Variants in ATAD1 observed in about 807,000 individuals in gnomAD.
ATAD1 encodes outer mitochondrial transmembrane helix translocase.
In ATAD1, 18 loss-of-function variants were observed where a neutral mutation model predicts 42.7. The ratio of observed to expected loss-of-function variants is 0.42; its 90% CI spans 0.29 to 0.63. ATAD1 has a LOEUF of 0.63. Ranked by LOEUF, ATAD1 falls within the 20% of genes least tolerant of loss-of-function variation. The pLI is 0.19. For missense variants in ATAD1, 294 were observed against 440.4 expected (o/e 0.67, Z 2.98); for synonymous variants, 132 against 143.1 (o/e 0.92, Z 0.55).
chr10:87,816,611 A>T (rs1795660330), intron 1 of ATAD1, among the ~76,000 whole-genome samples: 1 of 152,040 alleles, frequency 6.6e-6, no homozygotes, highest in Non-Finnish European at 1.5e-5. Context: ...AAGGCACCTA[A>T]CTGAAATCTC....
chr10:87,774,487 G>C (rs2038554), intron 6 of ATAD1, among the ~76,000 whole-genome samples: 2 of 151,956 alleles, frequency 1.3e-5, no homozygotes, highest in African/African-American at 2.4e-5. Flanking sequence ...CCTGGTAGAT[G>C]TGAAAAACAA....
intron 6 of ATAD1, among the ~76,000 whole-genome samples, chr10:87,772,140 T>C (rs1451226337): frequency 2.0e-5 from 3 of 152,172 alleles, no homozygotes; most frequent in Non-Finnish European, 4.4e-5. Flanking sequence ...TAATGCAAGT[T>C]TGTATTTGTG....
chr10:87,837,399 A>C (rs1444274582), intron 1 of ATAD1, among the ~76,000 whole-genome samples: 1 of 152,136 alleles, frequency 6.6e-6, no homozygotes, highest in Non-Finnish European at 1.5e-5. Context: ...TTTGCTTTCC[A>C]TGCTATTTGG....
At chr10:87,757,007 T>C in intron 8 of ATAD1, 85 bp from the exon 9 acceptor site, 7 of 1,191,352 alleles carry the variant, frequency 5.9e-6, no homozygotes, top group Non-Finnish European at 7.9e-6. Flanking sequence ...TAAAGAAAGT[T>C]AAGCATATTA....
intron 1 of ATAD1, among the ~76,000 whole-genome samples, chr10:87,815,653 A>G (rs748767044): frequency 1.3e-5 from 2 of 151,994 alleles, no homozygotes; most frequent in Non-Finnish European, 2.9e-5. Context: ...ACTACTACTA[A>G]ATTAAAGAGC....
chr10:87,761,606 G>A, intron 8 of ATAD1, among the ~76,000 whole-genome samples: 1 of 152,040 alleles, frequency 6.6e-6, no homozygotes, highest in East Asian at 1.9e-4. Flanking sequence ...GCAGTGAGCT[G>A]AGATTGTGCC....
intron 6 of ATAD1, among the ~76,000 whole-genome samples, chr10:87,772,217 C>CT (rs904878344): frequency 4.6e-4 from 69 of 148,928 alleles, no homozygotes; most frequent in South Asian, 1.3e-3. Context: ...TTCTTTCTTT[C>CT]TTTTTTTTTT....
chr10:87,838,178 C>T (rs1857962186), intron 1 of ATAD1, among the ~76,000 whole-genome samples: 1 of 152,138 alleles, frequency 6.6e-6, no homozygotes. Flanking sequence ...CTTTCAGTGT[C>T]CCCAAGTAGC....
intron 2 of ATAD1, among the ~76,000 whole-genome samples, chr10:87,797,824 C>T (rs769962010): frequency 6.6e-6 from 1 of 152,142 alleles, no homozygotes; most frequent in Admixed American, 6.5e-5. Flanking sequence ...TCTTCTCTAT[C>T]GCCTTTTCTA....
chr10:87,800,534 A>G (rs1162007954), intron 2 of ATAD1, among the ~76,000 whole-genome samples: 1 of 152,152 alleles, frequency 6.6e-6, no homozygotes, highest in Non-Finnish European at 1.5e-5. Flanking sequence ...CTGGTCTAAC[A>G]TATTTTATGG....
intron 4 of ATAD1, among the ~76,000 whole-genome samples, chr10:87,789,769 G>C (rs768933029): frequency 2.2e-4 from 34 of 152,012 alleles, no homozygotes; most frequent in Non-Finnish European, 7.4e-5. Flanking sequence ...AGATTTGAAT[G>C]AACAAGAATT....
intron 1 of ATAD1, among the ~76,000 whole-genome samples, chr10:87,837,558 G>A (rs1857951938): frequency 6.6e-6 from 1 of 152,114 alleles, no homozygotes; most frequent in African/African-American, 2.4e-5. Flanking sequence ...GTGAGTCTAG[G>A]AGGTTATAAT....
Position 87,776,416 on chromosome 10 carries a change from G to C in ATAD1, c.595C>G (p.Arg199Gly). The C allele has an allele frequency of 6.2e-7, 1 of 1,612,400 alleles. No individual in the cohort carries two copies. The highest frequency in any genetic ancestry group is 8.5e-7 in the Non-Finnish European group (1 of 1,178,712). Reference protein sequence around the residue: ...IFIDEIDSFLRNRSSSDHEAT... With the variant: ...IFIDEIDSFLGNRSSSDHEAT... ...TCATGGTCAGAACTTGAACGGTTTC[G>C]TAGAAAGGAGTCTAGAAGTAAAAGG... Residue 199 changes from arginine (R) to glycine (G), a missense_variant, in exon 6 of 10, where the codon CGA (arginine) becomes GGA (glycine). By Grantham distance (125) the Arg-to-Gly change is moderately radical. This residue lies in a region of ATAD1 where 31 missense variants were observed against 78.6 expected (regional missense o/e 0.39). Transcript: ENST00000680024.
At chr10:87,808,004 A>T (rs1001863610) in intron 2 of ATAD1, among the ~76,000 whole-genome samples, 1 of 152,132 alleles carries the variant, frequency 6.6e-6, no homozygotes, top group Non-Finnish European at 1.5e-5. Context: ...TGTATGTCTT[A>T]TGTTTGTCCG....
intron 2 of ATAD1, among the ~76,000 whole-genome samples, chr10:87,804,281 A>T (rs544944605): frequency 1.7e-3 from 253 of 151,480 alleles, no homozygotes; most frequent in Non-Finnish European, 2.9e-3. Flanking sequence ...TTAATGTCAT[A>T]GTAAGTCACT....
rs754542114 is a variant in ATAD1, at chr10:87,754,693, T to A, written c.1080A>T (p.Leu360Phe). ...AFQNVLTHVC[L>F]D Reference sequence around the variant, plus strand: ...GTACAAATGATCTTTACTCTTAATCTAAACAAACATGTGTTAAAACATTCT... The same window carrying A: ...GTACAAATGATCTTTACTCTTAATCAAAACAAACATGTGTTAAAACATTCT... Residue 360 changes from leucine to phenylalanine, a missense_variant, in exon 10 of 10, where the codon TTA (leucine) becomes TTT (phenylalanine). Leu to Phe is a conservative substitution (Grantham distance 22). This residue lies in a region of ATAD1 where 142 missense variants were observed against 174.6 expected (regional missense o/e 0.81). Transcript: ENST00000680024. 2 of 1,612,682 alleles carry A rather than the reference T, an allele frequency of 1.2e-6. No individual in the cohort carries two copies.
At position 87,752,192 on chromosome 10, in the gene ATAD1, A is replaced by G. The variant is rs1448391025; in HGVS notation, c.*2495T>C. On this transcript the variant is annotated 3_prime_UTR_variant, in exon 10 of 10. Coordinates refer to ENST00000680024, the MANE Select transcript of ATAD1 (RefSeq NM_001321967.2). ...AATACTTCATTTCTAAACTCTACAA[A>G]AAAGGCCTGAGAATAGCTTGAGACA... The G allele has an allele frequency of 6.6e-6, 1 of 152,180 alleles. No homozygotes were observed. Among genetic ancestry groups the G allele is most frequent in the Admixed American group, 6.5e-5 (1 of 15,276 alleles). 9.4% of individuals were successfully genotyped at this position (152,180 alleles called of 1,614,324 possible). A position where few individuals can be genotyped will look rare whatever the true frequency, so the allele number is the denominator to read the frequency against.
intron 2 of ATAD1, among the ~76,000 whole-genome samples, chr10:87,807,019 A>C (rs763318160): frequency 6.6e-5 from 10 of 152,148 alleles, no homozygotes; most frequent in Admixed American, 2.0e-4. Flanking sequence ...CCAAGATACT[A>C]TATACACTCA....
chr10:87,755,569 A>G (rs1000590691), intron 9 of ATAD1, among the ~76,000 whole-genome samples: 1 of 152,134 alleles, frequency 6.6e-6, no homozygotes, highest in Non-Finnish European at 1.5e-5. Context: ...ACCTAAGCAA[A>G]ATTTACGAAC....
Sources: gnomAD v4.1 joint callset for allele counts (sites outside exome capture counted in the v4.1 genomes callset) on GRCh38, gnomAD v4.1.1 for gene constraint, gnomAD v4.1.1 regional missense constraint, MANE v1.5 for transcripts, NCBI Gene and HGNC (gene_info 2026-07-23, HGNC 2026-07-21) for gene names.